TASP1: variants seen among roughly 807,000 people sequenced by gnomAD.
TASP1 encodes the protein threonine aspartase 1.
In TASP1, 16 loss-of-function variants were observed where a neutral mutation model predicts 56.6. The observed-to-expected ratio is 0.28, with a 90% CI of 0.19 to 0.43. The LOEUF (loss-of-function observed/expected upper bound fraction) is 0.43, where lower values mean the gene tolerates loss of function less well. Among genes scored for constraint, TASP1 ranks in the 20% least tolerant of loss-of-function variants. TASP1 has a pLI of 1.00. For synonymous variants in TASP1, 179 were observed against 184.2 expected (o/e 0.97, Z 0.23); for missense variants, 393 against 511.6 (o/e 0.77, Z 2.24).
At chr20:13,335,135 A>T in the TASP1 span, among the ~76,000 whole-genome samples, 1 of 152,186 alleles carries the variant, frequency 6.6e-6, no homozygotes, top group East Asian at 1.9e-4. Context: ...CTCCTCTCTC[A>T]TTGTGTGCAT....
intron 9 of TASP1, among the ~76,000 whole-genome samples, chr20:13,529,088 T>G (rs541239736): frequency 6.6e-6 from 1 of 152,198 alleles, no homozygotes; most frequent in South Asian, 2.1e-4. Flanking sequence ...GAAGTGCAAA[T>G]AGTTCTGTAC....
the TASP1 span, chr20:13,279,575 T>G: frequency 1.3e-6 from 2 of 1,526,806 alleles, no homozygotes; most frequent in Admixed American, 1.9e-5. Flanking sequence ...CTTCCAAGGG[T>G]CATGTAGCTT....
chr20:13,378,534 G>A, the TASP1 span, among the ~76,000 whole-genome samples: 35 of 152,258 alleles, frequency 2.3e-4, no homozygotes, highest in Middle Eastern at 6.8e-3. Flanking sequence ...GTGATGTTGC[G>A]AAGATTGTCT....
At chr20:13,586,794 T>C (rs1601348070) in intron 5 of TASP1, among the ~76,000 whole-genome samples, 1 of 152,182 alleles carries the variant, frequency 6.6e-6, no homozygotes, top group Non-Finnish European at 1.5e-5. Context: ...TTAACACATT[T>C]ATTTTTTAAG....
At chr20:13,521,430 A>G (rs2044749419) in intron 10 of TASP1, among the ~76,000 whole-genome samples, 1 of 152,162 alleles carries the variant, frequency 6.6e-6, no homozygotes, top group Admixed American at 6.5e-5. Context: ...TACACCATGG[A>G]ATACTATGCA....
chr20:13,310,569 C>T, the TASP1 span, among the ~76,000 whole-genome samples: 138 of 152,246 alleles, frequency 9.1e-4, 1 homozygote, highest in South Asian at 0.013. Context: ...AATAGGCAAA[C>T]GGGTTTGCAT....
chr20:13,610,966 G>A (rs771763619), intron 4 of TASP1, among the ~76,000 whole-genome samples: 69 of 152,076 alleles, frequency 4.5e-4, no homozygotes, highest in Non-Finnish European at 2.1e-4. Flanking sequence ...AGCTACAAAT[G>A]ATCCATGAGA....
chr20:13,445,607 G>C (rs2043381494), intron 11 of TASP1, among the ~76,000 whole-genome samples: 1 of 152,182 alleles, frequency 6.6e-6, no homozygotes, highest in Admixed American at 6.5e-5. Flanking sequence ...GAAGCCAAAT[G>C]GCCTAGGTTT....
the TASP1 span, among the ~76,000 whole-genome samples, chr20:13,163,367 CAAAAA>C: frequency 6.7e-5 from 6 of 90,080 alleles, no homozygotes; most frequent in Non-Finnish European, 8.8e-5. Flanking sequence ...GACGCTGTCT[CAAAAA>C]AAAAAAAAAA....
At chr20:13,106,367 C>T in the TASP1 span, among the ~76,000 whole-genome samples, 1 of 152,130 alleles carries the variant, frequency 6.6e-6, no homozygotes, top group Non-Finnish European at 1.5e-5. Flanking sequence ...AAGCAAAAAA[C>T]GAACATCGCG....
chr20:13,555,382 TAAA>T (rs59279659), intron 8 of TASP1, among the ~76,000 whole-genome samples: 3 of 99,350 alleles, frequency 3.0e-5, no homozygotes, highest in African/African-American at 3.9e-5. Context: ...AGACTCCCTC[TAAA>T]AAAAAAAAAA....
the TASP1 span, among the ~76,000 whole-genome samples, chr20:13,172,656 A>T: frequency 6.6e-6 from 1 of 152,176 alleles, no homozygotes; most frequent in African/African-American, 2.4e-5. Context: ...ATTCATAGGG[A>T]AAATACTTTT....
At chr20:13,169,699 A>AT in the TASP1 span, among the ~76,000 whole-genome samples, 1 of 152,132 alleles carries the variant, frequency 6.6e-6, no homozygotes, top group Non-Finnish European at 1.5e-5. Context: ...AAAGTTTTAT[A>AT]TCAGAAAATG....
At chr20:13,528,826 G>A (rs896124314) in intron 9 of TASP1, among the ~76,000 whole-genome samples, 2 of 151,492 alleles carry the variant, frequency 1.3e-5, no homozygotes, top group East Asian at 1.9e-4. Context: ...TGTTCTTCTG[G>A]CCCCTTAAAA....
chr20:13,609,287 T>C (rs1252311901), intron 4 of TASP1, among the ~76,000 whole-genome samples: 4 of 151,968 alleles, frequency 2.6e-5, no homozygotes, highest in African/African-American at 9.7e-5. Flanking sequence ...AAACAGAAAA[T>C]AGTAAGTGCT....
chr20:13,143,426 T>C, the TASP1 span, among the ~76,000 whole-genome samples: 1 of 152,242 alleles, frequency 6.6e-6, no homozygotes, highest in Non-Finnish European at 1.5e-5. Flanking sequence ...CTCATAACAG[T>C]ATGCAGTGGG....
chr20:13,133,445 C>T, the TASP1 span, among the ~76,000 whole-genome samples: 3 of 152,068 alleles, frequency 2.0e-5, no homozygotes, highest in African/African-American at 7.2e-5. Flanking sequence ...ATTAAATCTC[C>T]ATAACAGGTC....
At chr20:13,609,764 C>T (rs544958377) in intron 4 of TASP1, among the ~76,000 whole-genome samples, 1 of 150,204 alleles carries the variant, frequency 6.7e-6, no homozygotes, top group Admixed American at 6.6e-5. Context: ...TAGGTATATA[C>T]CCAAAAGAAC....
At chr20:13,123,329 TA>T in the TASP1 span, among the ~76,000 whole-genome samples, 408 of 143,384 alleles carry the variant, frequency 2.8e-3, 1 homozygote, top group Non-Finnish European at 3.8e-3. Flanking sequence ...AGACTCTGTC[TA>T]AAAAAAAAAA....
Sources: allele counts gnomAD v4.1 joint callset (sites outside exome capture counted in the v4.1 genomes callset), GRCh38; gene constraint gnomAD v4.1.1; transcripts MANE v1.5; gene names NCBI Gene and HGNC (gene_info 2026-07-23, HGNC 2026-07-21).